Variants in ERC2 observed in about 807,000 individuals in gnomAD.
ERC2 encodes the protein ERC protein 2.
A neutral mutation model predicts 114.8 loss-of-function variants in ERC2; 42 were observed. That is an observed-to-expected ratio of 0.37 (90% CI 0.29 to 0.47). ERC2 has a LOEUF of 0.47. ERC2 is among the 20% of genes least tolerant of loss of function. The pLI is 0.99. For synonymous variants in ERC2, 454 were observed against 425.5 expected (o/e 1.07, Z -0.82); for missense variants, 939 against 1,150.7 (o/e 0.82, Z 2.66).
At chr3:55,677,254 C>T (rs1035560053) in intron 17 of ERC2, among the ~76,000 whole-genome samples, 1 of 152,192 alleles carries the variant, frequency 6.6e-6, no homozygotes, top group African/African-American at 2.4e-5. Flanking sequence ...ATCAAACTTT[C>T]CTTTGCTATA....
intron 8 of ERC2, among the ~76,000 whole-genome samples, chr3:56,013,889 G>C (rs2073128002): frequency 6.6e-6 from 1 of 152,088 alleles, no homozygotes; most frequent in Admixed American, 6.6e-5. Flanking sequence ...TAGATGATAA[G>C]ATTATTTGGA....
chr3:56,435,300 T>A (rs188132423), intron 1 of ERC2, among the ~76,000 whole-genome samples, 153 bp from the exon 2 acceptor site: 27 of 152,316 alleles, frequency 1.8e-4, no homozygotes, highest in Middle Eastern at 3.4e-3. Flanking sequence ...ATAATGTTGA[T>A]TTATAAAGAA....
At chr3:56,265,011 G>A (rs2053199422) in intron 3 of ERC2, among the ~76,000 whole-genome samples, 1 of 152,150 alleles carries the variant, frequency 6.6e-6, no homozygotes, top group African/African-American at 2.4e-5. Flanking sequence ...AATCAATATT[G>A]TCAAACTATC....
chr3:56,358,542 C>T (rs772606035), intron 2 of ERC2, among the ~76,000 whole-genome samples: 4 of 152,130 alleles, frequency 2.6e-5, no homozygotes, highest in East Asian at 1.9e-4. Flanking sequence ...CAGTGTGGTA[C>T]GTAATGCAAC....
chr3:56,467,568 T>C (rs2063605245), intron 1 of ERC2, among the ~76,000 whole-genome samples: 1 of 152,116 alleles, frequency 6.6e-6, no homozygotes. Flanking sequence ...TTTTTTTAAT[T>C]AGGTACACCT....
intron 2 of ERC2, among the ~76,000 whole-genome samples, chr3:56,297,277 T>A (rs1327125449): frequency 6.7e-6 from 1 of 150,262 alleles, no homozygotes; most frequent in South Asian, 2.1e-4. Context: ...ATAAGCTACA[T>A]GGAGTTTATA....
intron 8 of ERC2, among the ~76,000 whole-genome samples, chr3:56,013,402 G>A (rs150431215): frequency 0.021 from 3,173 of 152,238 alleles, 58 homozygotes; most frequent in Middle Eastern, 0.034. Flanking sequence ...GGACTTGTGA[G>A]CAAAACTCCA....
At chr3:55,779,827 A>G (rs1314944568) in intron 14 of ERC2, among the ~76,000 whole-genome samples, 1 of 152,226 alleles carries the variant, frequency 6.6e-6, no homozygotes, top group Non-Finnish European at 1.5e-5. Flanking sequence ...GGTACACATC[A>G]GAATCGTGGG....
intron 6 of ERC2, among the ~76,000 whole-genome samples, chr3:56,118,464 A>C (rs910638801): frequency 1.3e-5 from 2 of 152,174 alleles, no homozygotes; most frequent in South Asian, 2.1e-4. Context: ...TCCTAGAAGG[A>C]AACAGCAAGA....
intron 17 of ERC2, among the ~76,000 whole-genome samples, chr3:55,564,302 CTAGT>C (rs1247265932): frequency 6.6e-6 from 1 of 152,138 alleles, no homozygotes; most frequent in African/African-American, 2.4e-5. Context: ...ACTTGGAAGT[CTAGT>C]TAGAGTATTT....
At chr3:56,351,545 A>G (rs949560828) in intron 2 of ERC2, among the ~76,000 whole-genome samples, 5 of 152,232 alleles carry the variant, frequency 3.3e-5, no homozygotes, top group Admixed American at 3.3e-4. Flanking sequence ...AAGAAAACTA[A>G]CAACCCAGAA....
At chr3:56,330,907 G>A (rs752843103) in intron 2 of ERC2, among the ~76,000 whole-genome samples, 1 of 152,152 alleles carries the variant, frequency 6.6e-6, no homozygotes. Flanking sequence ...CAGGACTTAT[G>A]AGGGAGGTAC....
At chr3:56,224,894 T>C (rs2050151272) in intron 3 of ERC2, among the ~76,000 whole-genome samples, 1 of 152,160 alleles carries the variant, frequency 6.6e-6, no homozygotes, top group African/African-American at 2.4e-5. Flanking sequence ...ACCAACACAA[T>C]GTTGGCAGGT....
chr3:56,314,084 A>G (rs2056749084), intron 2 of ERC2, among the ~76,000 whole-genome samples: 1 of 152,118 alleles, frequency 6.6e-6, no homozygotes, highest in South Asian at 2.1e-4. Flanking sequence ...AGTTTTAAAG[A>G]TTTGATTTAC....
chr3:56,173,063 C>T (rs2082765348), intron 4 of ERC2, among the ~76,000 whole-genome samples: 1 of 152,148 alleles, frequency 6.6e-6, no homozygotes, highest in Non-Finnish European at 1.5e-5. Context: ...TGTAAAATAA[C>T]TTCCCTTTGC....
At chr3:56,423,020 G>A (rs1187036068) in intron 2 of ERC2, among the ~76,000 whole-genome samples, 2 of 152,306 alleles carry the variant, frequency 1.3e-5, no homozygotes, top group African/African-American at 4.8e-5. Context: ...TTTATGAGTT[G>A]TCCATTTCCT....
chr3:56,178,737 C>T (rs1560315155), intron 3 of ERC2, among the ~76,000 whole-genome samples: 1 of 152,044 alleles, frequency 6.6e-6, no homozygotes, highest in African/African-American at 2.4e-5. Flanking sequence ...TCCCAGCCTT[C>T]ATAGTTGTTT....
chr3:56,264,856 A>G (rs1024890752), intron 3 of ERC2, among the ~76,000 whole-genome samples: 1 of 151,658 alleles, frequency 6.6e-6, no homozygotes, highest in Non-Finnish European at 1.5e-5. Context: ...AAATGATCCG[A>G]TTTACAATTT....
intron 3 of ERC2, among the ~76,000 whole-genome samples, chr3:56,271,076 AC>A: frequency 6.6e-6 from 1 of 152,334 alleles, no homozygotes; most frequent in South Asian, 2.1e-4. Flanking sequence ...TGGGAAAATC[AC>A]ACTCTCATTC....
Sources: allele counts gnomAD v4.1 joint callset (sites outside exome capture counted in the v4.1 genomes callset), GRCh38; gene constraint gnomAD v4.1.1; transcripts MANE v1.5; gene names NCBI Gene and HGNC (gene_info 2026-07-23, HGNC 2026-07-21).